CDKAL1: variants seen among roughly 807,000 people sequenced by gnomAD.
CDKAL1 encodes CDKAL1 threonylcarbamoyladenosine tRNA methylthiotransferase.
CDKAL1 carries 32 observed loss-of-function variants against 68.2 expected under a neutral mutation model. The ratio of observed to expected loss-of-function variants is 0.47; its 90% CI spans 0.35 to 0.63. CDKAL1 has a LOEUF of 0.63. CDKAL1 is among the 30% of genes least tolerant of loss of function. CDKAL1 has a pLI of 0.00. For synonymous variants in CDKAL1, 234 were observed against 244.3 expected (o/e 0.96, Z 0.39); for missense variants, 606 against 696.7 (o/e 0.87, Z 1.47).
intron 12 of CDKAL1, among the ~76,000 whole-genome samples, chr6:21,089,975 C>T (rs906930861): frequency 6.7e-6 from 1 of 150,038 alleles, no homozygotes; most frequent in African/African-American, 2.5e-5. Context: ...GAATAGCTTA[C>T]TCTTGTTTTT....
intron 11 of CDKAL1, among the ~76,000 whole-genome samples, chr6:21,004,634 T>C (rs1318758885): frequency 6.6e-6 from 1 of 152,136 alleles, no homozygotes; most frequent in Non-Finnish European, 1.5e-5. Context: ...AGAAACTATA[T>C]AGAACAAAGC....
intron 10 of CDKAL1, among the ~76,000 whole-genome samples, chr6:20,965,124 A>C (rs1049277123): frequency 1.3e-5 from 2 of 152,144 alleles, no homozygotes; most frequent in East Asian, 1.9e-4. Flanking sequence ...CAGCCTGTTC[A>C]ATACAGTGAG....
chr6:20,575,721 AT>A, intron 4 of CDKAL1, among the ~76,000 whole-genome samples: 1 of 152,048 alleles, frequency 6.6e-6, no homozygotes, highest in Middle Eastern at 3.4e-3. Flanking sequence ...ACATTGCAAT[AT>A]TTTTCACATT....
intron 15 of CDKAL1, among the ~76,000 whole-genome samples, chr6:21,222,917 C>T (rs189189010): frequency 1.3e-5 from 2 of 152,200 alleles, no homozygotes; most frequent in Admixed American, 1.3e-4. Context: ...AACGTGTTCT[C>T]ATGTGAGCGC....
intron 5 of CDKAL1, among the ~76,000 whole-genome samples, chr6:20,716,655 G>A (rs1272233746): frequency 6.6e-6 from 1 of 151,862 alleles, no homozygotes; most frequent in Non-Finnish European, 1.5e-5. Context: ...AACAGAAGAG[G>A]AGTTTTTCTG....
chr6:20,972,788 G>A (rs907371134), intron 10 of CDKAL1, among the ~76,000 whole-genome samples: 2 of 152,116 alleles, frequency 1.3e-5, no homozygotes, highest in African/African-American at 2.4e-5. Flanking sequence ...TTGCTGTCAG[G>A]GCCAGTCTTT....
chr6:20,896,098 C>CTTTTTTT lies in CDKAL1; in HGVS notation c.742+49924_742+49925insTTTTTTT, dbSNP rs1291895133. On this transcript the variant is annotated intron_variant, in intron 9 of 15. Transcript: ENST00000274695. ...TTTTTTCTTTTTTTTCTTTTCTTTT[C>CTTTTTTT]TTTTCTTTTTTTTTTTTTTTTGAGA... 1.2e-3 allele frequency among the ~76,000 whole-genome samples: 121 copies of CTTTTTTT among 104,078 alleles called. 1 individual carries two copies. Among genetic ancestry groups the CTTTTTTT allele is most frequent in the African/African-American group, 1.5e-3 (43 of 28,908 alleles). 68.3% of individuals were successfully genotyped at this position (104,078 alleles called of 152,430 possible). A position where few individuals can be genotyped will look rare whatever the true frequency, so the allele number is the denominator to read the frequency against.
chr6:20,698,456 A>G (rs552524982), intron 5 of CDKAL1, among the ~76,000 whole-genome samples: 2 of 152,162 alleles, frequency 1.3e-5, no homozygotes, highest in Admixed American at 6.5e-5. Flanking sequence ...CTGTTCCAGT[A>G]TTTCATCCAG....
chr6:21,196,433 TTAAGGGGATTA>T (rs1778473141), intron 13 of CDKAL1, among the ~76,000 whole-genome samples: 1 of 152,230 alleles, frequency 6.6e-6, no homozygotes, highest in Non-Finnish European at 1.5e-5. Context: ...CTTGATTTTT[TTAAGGGGATTA>T]ATGTTGCCAG....
intron 5 of CDKAL1, among the ~76,000 whole-genome samples, chr6:20,694,950 CTCCCCT>C (rs767557268): frequency 6.6e-6 from 1 of 152,172 alleles, no homozygotes; most frequent in Non-Finnish European, 1.5e-5. Context: ...CACACACTGA[CTCCCCT>C]TCCCCTTCCA....
intron 10 of CDKAL1, among the ~76,000 whole-genome samples, chr6:20,988,698 G>A (rs569267506): frequency 2.0e-5 from 3 of 151,936 alleles, no homozygotes; most frequent in Non-Finnish European, 1.5e-5. Flanking sequence ...TCGCCAGGCT[G>A]GAGTGCAGTG....
At chr6:20,927,173 C>G (rs1261253928) in intron 9 of CDKAL1, among the ~76,000 whole-genome samples, 2 of 152,070 alleles carry the variant, frequency 1.3e-5, no homozygotes, top group Non-Finnish European at 2.9e-5. Context: ...GTTTAAACAG[C>G]GCCTTTCTTA....
chr6:20,998,729 A>T (rs1358812801), intron 10 of CDKAL1, among the ~76,000 whole-genome samples: 1 of 152,210 alleles, frequency 6.6e-6, no homozygotes, highest in African/African-American at 2.4e-5. Flanking sequence ...CTTCAACTCC[A>T]ATTCCAATTT....
chr6:20,882,088 A>G lies in CDKAL1; in HGVS notation c.742+35910A>G, dbSNP rs55929611. Among the ~76,000 whole-genome samples, 406 of 152,354 alleles carry G rather than the reference A, an allele frequency of 2.7e-3. 3 individuals carry two copies. Among genetic ancestry groups the G allele is most frequent in the South Asian group, 7.7e-3 (37 of 4,828 alleles). ...CAAAATATGGCACATTGCATATTGA[A>G]TATTTTAAGCTGAAGGAATTTGAGA... On this transcript the variant is annotated intron_variant, in intron 9 of 15. Transcript: ENST00000274695.
chr6:20,993,573 T>C (rs1766953100), intron 10 of CDKAL1: 1 of 152,234 alleles, frequency 6.6e-6, no homozygotes, highest in African/African-American at 2.4e-5. Flanking sequence ...AAGCACATAC[T>C]GAGTGATTTT....
intron 15 of CDKAL1, among the ~76,000 whole-genome samples, chr6:21,223,915 T>C (rs1779629683): frequency 6.6e-6 from 1 of 152,196 alleles, no homozygotes. Context: ...TTTGCTGTCC[T>C]CTTCCCCCAG....
intron 5 of CDKAL1, among the ~76,000 whole-genome samples, chr6:20,700,237 C>G (rs1488619801): frequency 2.0e-5 from 3 of 151,812 alleles, no homozygotes; most frequent in African/African-American, 7.3e-5. Context: ...TGCCTGTAAT[C>G]CCAGCTACTC....
At chr6:20,858,953 A>G (rs571404197) in intron 9 of CDKAL1, among the ~76,000 whole-genome samples, 2 of 152,162 alleles carry the variant, frequency 1.3e-5, no homozygotes, top group African/African-American at 4.8e-5. Flanking sequence ...TATATTTTTC[A>G]TAAGTACATA....
chr6:20,698,131 A>G (rs891461058), intron 5 of CDKAL1, among the ~76,000 whole-genome samples: 1 of 152,156 alleles, frequency 6.6e-6, no homozygotes, highest in African/African-American at 2.4e-5. Context: ...TCTTATGGTA[A>G]GGTTTCCTGT....
Sources: allele counts gnomAD v4.1 joint callset (sites outside exome capture counted in the v4.1 genomes callset), GRCh38; gene constraint gnomAD v4.1.1; transcripts MANE v1.5; gene names NCBI Gene and HGNC (gene_info 2026-07-23, HGNC 2026-07-21).